The following MED13L variants were observed in gnomAD, a reference collection of about 807,000 sequenced individuals.
MED13L encodes the protein mediator of RNA polymerase II transcription subunit 13-like.
Under a neutral mutation model 220.9 loss-of-function variants are expected in MED13L, and 7 were observed. The ratio of observed to expected loss-of-function variants is 0.03; its 90% confidence interval spans 0.02 to 0.06. MED13L has a LOEUF of 0.06. Among genes scored for constraint, MED13L ranks in the 10% least tolerant of loss-of-function variants. MED13L has a pLI of 1.00. For missense variants in MED13L, 1,965 were observed against 2,760.5 expected (o/e 0.71, Z 6.46); for synonymous variants, 1,011 against 1,015.2 (o/e 1.00, Z 0.08).
intron 2 of MED13L, among the ~76,000 whole-genome samples, chr12:116,145,276 C>T (rs191599197): frequency 1.3e-5 from 2 of 152,286 alleles, no homozygotes. Context: ...CACTACATAT[C>T]CTTAAGAAAA....
At chr12:116,250,776 CAAAAAAAAAAA>C (rs772459455) in intron 1 of MED13L, among the ~76,000 whole-genome samples, 2 of 76,784 alleles carry the variant, frequency 2.6e-5, no homozygotes, top group African/African-American at 5.4e-5. Flanking sequence ...GACTCCTCCT[CAAAAAAAAAAA>C]AAAAAAAAAA....
At chr12:116,124,152 C>CAGAGAGAGAG (rs1555213761) in intron 2 of MED13L, among the ~76,000 whole-genome samples, 2 of 108,690 alleles carry the variant, frequency 1.8e-5, no homozygotes, top group Non-Finnish European at 4.2e-5. Flanking sequence ...GAGAGAGAGA[C>CAGAGAGAGAG]AGAGACAGAG....
At chr12:116,019,460 A>T (rs1247984056) in intron 6 of MED13L, 48 bp from the exon 7 acceptor site, 1 of 1,591,290 alleles carries the variant, frequency 6.3e-7, no homozygotes, top group Admixed American at 1.7e-5. Context: ...GAAAGAATTC[A>T]TACAAGACTT....
At chr12:116,071,663 A>C (rs1349660371) in intron 4 of MED13L, among the ~76,000 whole-genome samples, 1 of 152,226 alleles carries the variant, frequency 6.6e-6, no homozygotes, top group Admixed American at 6.5e-5. Flanking sequence ...TTTTCATCAT[A>C]TGATGTGATT....
intron 2 of MED13L, among the ~76,000 whole-genome samples, chr12:116,187,464 T>C (rs1253636178): frequency 6.6e-6 from 1 of 152,368 alleles, no homozygotes; most frequent in East Asian, 1.9e-4. Context: ...CATGGTTTAA[T>C]AGATCACCTC....
chr12:116,041,031 C>CGTATGG (rs2137542117), intron 4 of MED13L, among the ~76,000 whole-genome samples: 1 of 152,134 alleles, frequency 6.6e-6, no homozygotes, highest in South Asian at 2.1e-4. Flanking sequence ...ACACGTGCTC[C>CGTATGG]ATACATCAGA....
chr12:116,015,285 AG>A lies in MED13L; in HGVS notation c.1010-12del. The A allele has an allele frequency of 6.2e-7, 1 of 1,613,722 alleles. No individual in the cohort carries two copies. Among genetic ancestry groups the A allele is most frequent in the African/African-American group, 1.3e-5 (1 of 75,044 alleles). On this transcript the variant is annotated splice_polypyrimidine_tract_variant and intron_variant, in intron 7 of 30. Transcript: ENST00000281928. ...TACCTCCACTCTCACCTGAAAAAAAAGGCAATTTGGAATGTTAGGATTTTCT... is the reference window on the plus strand; with the variant it reads ...TACCTCCACTCTCACCTGAAAAAAAAGCAATTTGGAATGTTAGGATTTTCT...
intron 4 of MED13L, among the ~76,000 whole-genome samples, chr12:116,062,596 T>G (rs987126224): frequency 1.3e-5 from 2 of 151,158 alleles, no homozygotes; most frequent in South Asian, 4.2e-4. Context: ...CAAGTGATTC[T>G]CCTGTCTCAT....
At chr12:116,141,665 G>C (rs1877087220) in intron 2 of MED13L, among the ~76,000 whole-genome samples, 2 of 152,050 alleles carry the variant, frequency 1.3e-5, no homozygotes, top group South Asian at 2.1e-4. Context: ...AGGGACTCTG[G>C]TGGAAGCCGT....
intron 13 of MED13L, among the ~76,000 whole-genome samples, chr12:116,004,640 T>C (rs1167391473): frequency 6.6e-6 from 1 of 152,064 alleles, no homozygotes; most frequent in East Asian, 1.9e-4. Flanking sequence ...TGAAAGCTAA[T>C]CTAGTTCGTT....
At chr12:116,122,150 A>C (rs1875159582) in intron 2 of MED13L, among the ~76,000 whole-genome samples, 1 of 152,162 alleles carries the variant, frequency 6.6e-6, no homozygotes. Flanking sequence ...AAACTACACT[A>C]ATCAGATATT....
intron 2 of MED13L, among the ~76,000 whole-genome samples, chr12:116,112,182 T>C (rs767937234): frequency 6.6e-6 from 1 of 152,210 alleles, no homozygotes; most frequent in Non-Finnish European, 1.5e-5. Context: ...CAATGCCCCA[T>C]GCATTCCTAA....
At chr12:115,979,706 G>A (rs1459474734) in intron 23 of MED13L, among the ~76,000 whole-genome samples, 7 of 152,210 alleles carry the variant, frequency 4.6e-5, no homozygotes, top group Admixed American at 4.6e-4. Context: ...GTTTTAAGGA[G>A]CTCTCTTATG....
At chr12:116,154,336 CAAT>C (rs1878271991) in intron 2 of MED13L, among the ~76,000 whole-genome samples, 1 of 152,142 alleles carries the variant, frequency 6.6e-6, no homozygotes, top group Non-Finnish European at 1.5e-5. Context: ...CTCACACCTG[CAAT>C]AAGTCTGGAG....
intron 2 of MED13L, among the ~76,000 whole-genome samples, chr12:116,196,217 A>G (rs1339502799): frequency 1.3e-5 from 2 of 151,992 alleles, no homozygotes; most frequent in African/African-American, 4.8e-5. Flanking sequence ...TACTGGTTGA[A>G]CTCATCTAGC....
At chr12:116,117,955 T>C (rs1392251802) in intron 2 of MED13L, among the ~76,000 whole-genome samples, 1 of 152,108 alleles carries the variant, frequency 6.6e-6, no homozygotes, top group Non-Finnish European at 1.5e-5. Flanking sequence ...GTTACAGGCA[T>C]AGGCCACCAT....
rs780190117 is a variant in MED13L at position 116,019,240 on chromosome 12, T to A, written c.993A>T (p.Pro331=). The A allele has an allele frequency of 1.3e-5, 21 of 1,613,576 alleles. No individual in the cohort carries two copies. Among genetic ancestry groups the A allele is most frequent in the Non-Finnish European group, 1.8e-5 (21 of 1,179,860 alleles). The change falls in exon 7 of 31, where the codon CCA becomes CCT. Residue 331 remains proline, a synonymous_variant. Transcript: ENST00000281928. ...CCTACTCACCTAGGATAGCCTGTTC[T>A]GGAGAGGTGGGAGGGGTCAGAGGCA... ...CGMPLTPPTS[P]EQAILGESGG...
intron 25 of MED13L, 79 bp from the exon 26 acceptor site, chr12:115,972,315 C>G (rs1302370464): frequency 1.9e-6 from 3 of 1,553,798 alleles, no homozygotes; most frequent in Non-Finnish European, 2.6e-6. Context: ...AGCAGTTCTG[C>G]CCGGTAATTG....
intron 2 of MED13L, among the ~76,000 whole-genome samples, chr12:116,167,091 T>C (rs923925836): frequency 1.8e-4 from 28 of 152,026 alleles, no homozygotes; most frequent in Non-Finnish European, 1.5e-4. Flanking sequence ...CCAGACTGTT[T>C]TAAAGAAACA....
Sources: gnomAD v4.1 joint callset for allele counts (sites outside exome capture counted in the v4.1 genomes callset) on GRCh38, gnomAD v4.1.1 for gene constraint, MANE v1.5 for transcripts, NCBI Gene and HGNC (gene_info 2026-07-23, HGNC 2026-07-21) for gene names.